The following NXPE4 variants were observed in gnomAD, a reference collection of about 807,000 sequenced individuals.
NXPE4 encodes neurexophilin and PC-esterase domain family member 4, also known as NXPE family member 4.
NXPE4 carries 42 observed loss-of-function variants against 33.3 expected under a neutral mutation model. The ratio of observed to expected loss-of-function variants is 1.26; its 90% CI spans 0.98 to 1.63. NXPE4 has a LOEUF of 1.63. Ranked by LOEUF, NXPE4 falls within the 40% of genes most tolerant of loss-of-function variation. The pLI is 0.00. For missense variants in NXPE4, 709 were observed against 647.6 expected (o/e 1.09, Z -1.03); for synonymous variants, 253 against 234.9 (o/e 1.08, Z -0.71).
At chr11:114,625,513 G>C in the NXPE4 span, among the ~76,000 whole-genome samples, 3 of 151,412 alleles carry the variant, frequency 2.0e-5, no homozygotes, top group African/African-American at 7.3e-5. Context: ...ACTGTTACCA[G>C]GTGGATAATA....
At chr11:114,640,031 T>G in the NXPE4 span, among the ~76,000 whole-genome samples, 1 of 120,426 alleles carries the variant, frequency 8.3e-6, no homozygotes, top group Non-Finnish European at 1.6e-5. Context: ...TAATGTAACA[T>G]AATTATATTA....
At chr11:114,640,259 A>G in the NXPE4 span, among the ~76,000 whole-genome samples, 6 of 142,478 alleles carry the variant, frequency 4.2e-5, no homozygotes, top group Admixed American at 4.4e-4. Flanking sequence ...TATAAAATAT[A>G]TAGTATATAA....
chr11:114,649,295 A>C, the NXPE4 span, among the ~76,000 whole-genome samples: 1 of 152,218 alleles, frequency 6.6e-6, no homozygotes, highest in Non-Finnish European at 1.5e-5. Flanking sequence ...ATGTTCTTAG[A>C]AGCATTATTC....
intron 1 of NXPE4, among the ~76,000 whole-genome samples, 174 bp from the exon 2 acceptor site, chr11:114,594,943 C>A (rs995632872): frequency 1.3e-5 from 2 of 152,008 alleles, no homozygotes; most frequent in Non-Finnish European, 2.9e-5. Context: ...CTCCCAGGTG[C>A]TCTCTTTTAG....
chr11:114,637,443 G>A, the NXPE4 span, among the ~76,000 whole-genome samples: 2 of 151,738 alleles, frequency 1.3e-5, no homozygotes, highest in Non-Finnish European at 2.9e-5. Flanking sequence ...TCTTTTAATT[G>A]GAGCATTTAG....
chr11:114,651,392 G>A, the NXPE4 span, among the ~76,000 whole-genome samples: 7 of 152,068 alleles, frequency 4.6e-5, no homozygotes, highest in African/African-American at 9.7e-5. Context: ...TCGTGGTCTC[G>A]CTGGCTTCAG....
chr11:114,668,887 C>A, the NXPE4 span, among the ~76,000 whole-genome samples: 3 of 151,968 alleles, frequency 2.0e-5, no homozygotes, highest in African/African-American at 7.3e-5. Flanking sequence ...CAAAGGTATA[C>A]AATAAATCAA....
chr11:114,629,410 AG>A, the NXPE4 span, among the ~76,000 whole-genome samples: 27 of 150,382 alleles, frequency 1.8e-4, no homozygotes, highest in Non-Finnish European at 2.5e-4. Context: ...ACAGAACCAA[AG>A]ACAAAAACCA....
chr11:114,638,433 G>C, the NXPE4 span, among the ~76,000 whole-genome samples: 1 of 151,904 alleles, frequency 6.6e-6, no homozygotes, highest in African/African-American at 2.4e-5. Flanking sequence ...GCTCAGAGTA[G>C]TTTGATTGTC....
chr11:114,650,864 C>T, the NXPE4 span, among the ~76,000 whole-genome samples: 1 of 151,962 alleles, frequency 6.6e-6, no homozygotes, highest in African/African-American at 2.4e-5. Context: ...TGCCCTACCC[C>T]AAGAAACAAC....
upstream of NXPE4, among the ~76,000 whole-genome samples, chr11:114,598,951 T>G (rs1949608877): frequency 6.6e-6 from 1 of 152,210 alleles, no homozygotes; most frequent in Admixed American, 6.5e-5. Flanking sequence ...TTCTGCAGCC[T>G]TCCTGAATTC....
chr11:114,666,721 G>A, the NXPE4 span, among the ~76,000 whole-genome samples: 2 of 151,980 alleles, frequency 1.3e-5, no homozygotes, highest in African/African-American at 2.4e-5. Flanking sequence ...CAAATTGCTG[G>A]CATATGCATG....
At chr11:114,626,434 C>T in the NXPE4 span, among the ~76,000 whole-genome samples, 9 of 151,270 alleles carry the variant, frequency 5.9e-5, no homozygotes, top group Non-Finnish European at 1.0e-4. Context: ...CTCACGTGGC[C>T]GGGTACTCCA....
the NXPE4 span, among the ~76,000 whole-genome samples, chr11:114,613,532 T>C: frequency 2.7e-5 from 4 of 148,276 alleles, no homozygotes; most frequent in African/African-American, 1.0e-4. Context: ...TCGTGGGTAA[T>C]CACTGTTACC....
intron 2 of NXPE4, among the ~76,000 whole-genome samples, chr11:114,586,809 T>C (rs546711657): frequency 6.6e-6 from 1 of 152,296 alleles, no homozygotes; most frequent in South Asian, 2.1e-4. Context: ...ATGTCTCCTA[T>C]CCACTCTCTG....
chr11:114,574,830 A>T (rs1948962062), intron 5 of NXPE4, among the ~76,000 whole-genome samples: 1 of 152,134 alleles, frequency 6.6e-6, no homozygotes, highest in Non-Finnish European at 1.5e-5. Context: ...ATCCTCCCTA[A>T]ATAATTCTAT....
intron 2 of NXPE4, among the ~76,000 whole-genome samples, chr11:114,586,643 T>C (rs1050742897): frequency 2.0e-5 from 3 of 151,976 alleles, no homozygotes; most frequent in African/African-American, 7.2e-5. Flanking sequence ...CTGGAAGAGG[T>C]TGAGAGGCAC....
At chr11:114,589,191 G>C (rs1949382656) in intron 2 of NXPE4, among the ~76,000 whole-genome samples, 1 of 152,164 alleles carries the variant, frequency 6.6e-6, no homozygotes, top group South Asian at 2.1e-4. Flanking sequence ...CTGGTGATCA[G>C]ACTGCCCCCA....
chr11:114,632,086 T>C, the NXPE4 span, among the ~76,000 whole-genome samples: 1 of 145,178 alleles, frequency 6.9e-6, no homozygotes, highest in South Asian at 2.1e-4. Context: ...AATATTATTA[T>C]ATTGTAAATA....
Sources: gnomAD v4.1 joint callset for allele counts (sites outside exome capture counted in the v4.1 genomes callset) on GRCh38, gnomAD v4.1.1 for gene constraint, MANE v1.5 for transcripts, NCBI Gene and HGNC (gene_info 2026-07-23, HGNC 2026-07-21) for gene names.